Variants in KCNH1 observed in about 807,000 individuals in gnomAD.
KCNH1 encodes potassium voltage-gated channel subfamily H member 1, also known as voltage-gated delayed rectifier potassium channel KCNH1.
Under a neutral mutation model 69.2 loss-of-function variants are expected in KCNH1, and 27 were observed. That is an observed-to-expected ratio of 0.39 (90% CI 0.29 to 0.54). The LOEUF (loss-of-function observed/expected upper bound fraction) is 0.54, where lower values mean the gene tolerates loss of function less well. KCNH1 is among the 20% of genes least tolerant of loss of function. The probability of loss-of-function intolerance (pLI) is 0.68; values close to 1 mark genes in which losing one functional copy is unlikely to be tolerated. For missense variants in KCNH1, 798 were observed against 1,261.6 expected, an observed-to-expected ratio of 0.63 and a Z score of 5.57; for synonymous variants, 456 against 487.7, an observed-to-expected ratio of 0.93 and a Z score of 0.86.
At chr1:210,745,801 G>A (rs1419372419) in intron 10 of KCNH1, among the ~76,000 whole-genome samples, 15 of 152,302 alleles carry the variant, frequency 9.8e-5, no homozygotes, top group Non-Finnish European at 1.5e-5. Context: ...AGGGGAAAGA[G>A]GTGGGGAGTC....
intron 10 of KCNH1, among the ~76,000 whole-genome samples, chr1:210,722,693 T>G (rs180840936): frequency 1.1e-4 from 17 of 152,336 alleles, no homozygotes; most frequent in Admixed American, 3.3e-4. Flanking sequence ...CTCTATCCCC[T>G]AGCTTGGCAC....
intron 10 of KCNH1, among the ~76,000 whole-genome samples, chr1:210,716,263 C>T (rs537835277): frequency 1.3e-5 from 2 of 152,070 alleles, no homozygotes; most frequent in East Asian, 3.9e-4. Context: ...GAAACCCCAT[C>T]TCTACTAAAA....
chr1:210,934,036 G>A (rs114738790), intron 6 of KCNH1, among the ~76,000 whole-genome samples: 1,771 of 152,234 alleles, frequency 0.012, 18 homozygotes, highest in Middle Eastern at 0.034. Flanking sequence ...AAATCAACAC[G>A]AAATGGATTA....
chr1:211,073,126 A>G (rs74156887), intron 5 of KCNH1, among the ~76,000 whole-genome samples: 2,542 of 152,276 alleles, frequency 0.017, 72 homozygotes, highest in African/African-American at 0.056. Flanking sequence ...AGTTATCAGA[A>G]ACAGAGAGGG....
intron 5 of KCNH1, among the ~76,000 whole-genome samples, chr1:211,047,470 C>T (rs376147246): frequency 6.6e-6 from 1 of 152,108 alleles, no homozygotes; most frequent in African/African-American, 2.4e-5. Flanking sequence ...GGGCTAAAAA[C>T]ACAGTAAGTT....
chr1:210,831,715 G>C (rs1405309110), intron 7 of KCNH1, among the ~76,000 whole-genome samples: 2 of 152,118 alleles, frequency 1.3e-5, no homozygotes, highest in African/African-American at 4.8e-5. Context: ...CTCTGTTACT[G>C]ACCAGCTCAG....
chr1:210,927,229 A>C (rs1687590690), intron 6 of KCNH1, among the ~76,000 whole-genome samples: 1 of 152,196 alleles, frequency 6.6e-6, no homozygotes, highest in Non-Finnish European at 1.5e-5. Flanking sequence ...CACCAAGAGG[A>C]GTCATTGGGA....
At chr1:211,064,794 C>A (rs1242324078) in intron 5 of KCNH1, among the ~76,000 whole-genome samples, 2 of 151,722 alleles carry the variant, frequency 1.3e-5, no homozygotes, top group Non-Finnish European at 2.9e-5. Context: ...AATAGTAAGA[C>A]AACAAAAAAC....
chr1:210,852,481 T>A (rs1280978138), intron 7 of KCNH1, among the ~76,000 whole-genome samples: 4 of 152,116 alleles, frequency 2.6e-5, no homozygotes, highest in Non-Finnish European at 5.9e-5. Context: ...AAATTTTAAT[T>A]AACCTAAGTG....
chr1:210,926,154 G>C (rs1033999257), intron 6 of KCNH1, among the ~76,000 whole-genome samples: 5 of 152,182 alleles, frequency 3.3e-5, no homozygotes, highest in African/African-American at 1.2e-4. Context: ...TGGCTACTCA[G>C]GAGGCTGAGG....
chr1:210,776,131 T>G (rs1298075503), intron 9 of KCNH1, among the ~76,000 whole-genome samples: 1 of 152,182 alleles, frequency 6.6e-6, no homozygotes, highest in East Asian at 1.9e-4. Context: ...TTCCTTTCTC[T>G]GGGATGATCC....
intron 7 of KCNH1, among the ~76,000 whole-genome samples, chr1:210,868,804 T>C (rs1004556690): frequency 6.6e-6 from 1 of 152,128 alleles, no homozygotes; most frequent in Admixed American, 6.6e-5. Context: ...GAATATTGAC[T>C]ATATGGAATC....
chr1:211,110,148 T>A (rs909731615), intron 1 of KCNH1, among the ~76,000 whole-genome samples: 1 of 151,884 alleles, frequency 6.6e-6, no homozygotes, highest in Non-Finnish European at 1.5e-5. Context: ...AACAATAAAA[T>A]GTGAGTGTAT....
chr1:210,757,418 G>A (rs1450797968), intron 10 of KCNH1, among the ~76,000 whole-genome samples: 1 of 152,176 alleles, frequency 6.6e-6, no homozygotes, highest in African/African-American at 2.4e-5. Context: ...CTTCCTCAAA[G>A]AGTTTCCTAA....
At chr1:211,075,979 C>A (rs547170315) in intron 5 of KCNH1, among the ~76,000 whole-genome samples, 3 of 152,228 alleles carry the variant, frequency 2.0e-5, no homozygotes, top group Non-Finnish European at 4.4e-5. Context: ...TTGCTTACTG[C>A]GAGCACAGCA....
At chr1:210,850,052 T>C (rs1307499082) in intron 7 of KCNH1, among the ~76,000 whole-genome samples, 1 of 152,140 alleles carries the variant, frequency 6.6e-6, no homozygotes, top group Non-Finnish European at 1.5e-5. Flanking sequence ...ACCAAAATTA[T>C]CATGAGCAAA....
At chr1:210,786,602 T>C (rs541252316) in intron 9 of KCNH1, among the ~76,000 whole-genome samples, 1 of 152,308 alleles carries the variant, frequency 6.6e-6, no homozygotes, top group East Asian at 1.9e-4. Context: ...GCCTCTCCCC[T>C]GGCTTCAATT....
At chr1:210,916,317 G>A (rs1440280341) in intron 7 of KCNH1, among the ~76,000 whole-genome samples, 3 of 152,212 alleles carry the variant, frequency 2.0e-5, no homozygotes, top group Non-Finnish European at 4.4e-5. Context: ...AGCACAATTT[G>A]GCAGATGTGT....
intron 10 of KCNH1, among the ~76,000 whole-genome samples, chr1:210,687,310 G>A (rs763253101): frequency 6.6e-6 from 1 of 152,256 alleles, no homozygotes; most frequent in Non-Finnish European, 1.5e-5. Context: ...CCATGGGTCA[G>A]AATCCTGGAC....
Sources: gnomAD v4.1 joint callset for allele counts (sites outside exome capture counted in the v4.1 genomes callset) on GRCh38, gnomAD v4.1.1 for gene constraint, MANE v1.5 for transcripts, NCBI Gene and HGNC (gene_info 2026-07-23, HGNC 2026-07-21) for gene names.